Variants in SBK1 observed in about 807,000 individuals in gnomAD.
SBK1 encodes the protein SH3 domain binding kinase 1.
In SBK1, 11 loss-of-function variants were observed where a neutral mutation model predicts 24.4. The ratio of observed to expected loss-of-function variants is 0.45; its 90% confidence interval spans 0.28 to 0.75. SBK1 has a LOEUF of 0.75. Ranked by LOEUF, SBK1 falls within the 30% of genes least tolerant of loss-of-function variation. The pLI, the probability that SBK1 is intolerant of heterozygous loss-of-function variation, is 0.12. For missense variants in SBK1, 467 were observed against 620.5 expected, an observed-to-expected ratio of 0.75 and a Z score of 2.63; for synonymous variants, 308 against 284.4, an observed-to-expected ratio of 1.08 and a Z score of -0.83.
intron 1 of SBK1, among the ~76,000 whole-genome samples, chr16:28,314,529 G>A (rs899174055): frequency 6.6e-6 from 1 of 152,116 alleles, no homozygotes; most frequent in African/African-American, 2.4e-5. Flanking sequence ...ACTTGCCCAA[G>A]GACATCCAGC....
intron 1 of SBK1, among the ~76,000 whole-genome samples, chr16:28,276,417 C>G (rs2044494136): frequency 1.3e-5 from 2 of 152,152 alleles, no homozygotes; most frequent in African/African-American, 4.8e-5. Context: ...GACCCGCGCC[C>G]CTGAATGAGA....
At chr16:28,307,266 A>G (rs1007431699) in intron 1 of SBK1, among the ~76,000 whole-genome samples, 2 of 152,246 alleles carry the variant, frequency 1.3e-5, no homozygotes, top group African/African-American at 4.8e-5. Flanking sequence ...CCTATGACAC[A>G]GAGACTTATT....
chr16:28,291,493 A>C (rs1413768258), upstream of SBK1: 1 of 152,154 alleles, frequency 6.6e-6, no homozygotes, highest in Admixed American at 6.5e-5. Flanking sequence ...TGTACCCTAA[A>C]ACTTAAAGTA....
At chr16:28,279,334 G>A (rs1266875718) in intron 1 of SBK1, among the ~76,000 whole-genome samples, 1 of 150,846 alleles carries the variant, frequency 6.6e-6, no homozygotes, top group East Asian at 1.9e-4. Flanking sequence ...CAAAGTTCGA[G>A]GCTGCAGTGA....
chr16:28,262,833 G>A (rs1483668301), intron 1 of SBK1, among the ~76,000 whole-genome samples: 1 of 152,160 alleles, frequency 6.6e-6, no homozygotes, highest in Non-Finnish European at 1.5e-5. Context: ...AATCGTAATG[G>A]CTTAACACAG....
intron 1 of SBK1, among the ~76,000 whole-genome samples, chr16:28,265,867 G>A (rs1233097549): frequency 1.3e-5 from 2 of 151,046 alleles, no homozygotes; most frequent in African/African-American, 2.4e-5. Flanking sequence ...TGAGCTACTC[G>A]GGAGGCTAAG....
chr16:28,322,919 GCTCT>G lies in SBK1; in HGVS notation c.*2006_*2009del, dbSNP rs1290885145. The G allele has an allele frequency of 5.2e-5, 3 of 58,048 alleles. No individual in the cohort carries two copies. Among genetic ancestry groups the G allele is most frequent in the African/African-American group, 1.5e-4 (3 of 19,710 alleles). The allele number at this position is 58,048 out of a possible 1,614,324, so 3.6% of individuals were successfully genotyped here. The stretch of plus-strand genomic sequence containing the variant: ...CGTGCTCGCTCTCTCTCTCGCGCGC[GCTCT>G]CTCTCTCCCTCTCTCTCTCTCTCTC... On this transcript the variant is annotated 3_prime_UTR_variant, in exon 4 of 4. Transcript: ENST00000341901.
intron 1 of SBK1, among the ~76,000 whole-genome samples, chr16:28,308,491 G>T: frequency 8.6e-6 from 1 of 116,848 alleles, no homozygotes; most frequent in Non-Finnish European, 1.7e-5. Context: ...TTTTGAGACA[G>T]GGTCTCACTC....
chr16:28,278,562 T>C (rs969072483), intron 1 of SBK1, among the ~76,000 whole-genome samples: 2 of 152,178 alleles, frequency 1.3e-5, no homozygotes, highest in African/African-American at 4.8e-5. Flanking sequence ...TTATTTATCT[T>C]ATTTTGAGAC....
At chr16:28,268,403 T>C (rs1001732632) in intron 1 of SBK1, among the ~76,000 whole-genome samples, 4 of 150,684 alleles carry the variant, frequency 2.7e-5, no homozygotes, top group African/African-American at 9.8e-5. Context: ...CCACCACACC[T>C]GGCTAATTTT....
intron 1 of SBK1, chr16:28,284,931 T>A (rs1226399772): frequency 1.3e-5 from 2 of 152,220 alleles, no homozygotes; most frequent in Non-Finnish European, 2.9e-5. Flanking sequence ...AGTGTCAACA[T>A]TTTATCACAT....
In SBK1 at chr16:28,319,970, G is replaced by T. The variant is rs1002091672; in HGVS notation, c.430-106G>T. On this transcript the variant is annotated intron_variant, in intron 3 of 3. Transcript: ENST00000341901. The surrounding 1 kb of genome is among the most constrained non-coding windows in gnomAD (Gnocchi z 4.0). ...GCGGTCGCCCCAGTTACTGGGGACAGGGTGGGAGGCGAAAACCGCCTTGCT... is the reference window on the plus strand; with the variant it reads ...GCGGTCGCCCCAGTTACTGGGGACATGGTGGGAGGCGAAAACCGCCTTGCT... 3 of 1,166,654 alleles carry T rather than the reference G, an allele frequency of 2.6e-6. No homozygotes were observed. In the Admixed American group the frequency reaches 9.3e-5, roughly 36 times the overall value. 72.3% of individuals were successfully genotyped at this position (1,166,654 alleles called of 1,614,324 possible). A position where few individuals can be genotyped will look rare whatever the true frequency, so the allele number is the denominator to read the frequency against.
chr16:28,294,713 C>G (rs1285497339), intron 1 of SBK1, among the ~76,000 whole-genome samples: 1 of 152,204 alleles, frequency 6.6e-6, no homozygotes, highest in Non-Finnish European at 1.5e-5. Context: ...CCTCATCTCC[C>G]ACCTTCCCAG....
intron 1 of SBK1, among the ~76,000 whole-genome samples, chr16:28,265,817 T>C (rs2044424490): frequency 6.6e-6 from 1 of 150,732 alleles, no homozygotes; most frequent in Non-Finnish European, 1.5e-5. Context: ...CTACTAAAAA[T>C]ACAAAAATTA....
upstream of SBK1, chr16:28,259,235 A>G (rs1012320421): frequency 6.5e-6 from 1 of 153,148 alleles, no homozygotes; most frequent in Admixed American, 6.5e-5. This position sits in a 1 kb window ranked among gnomAD's most constrained non-coding sequence, Gnocchi z 6.0. Context: ...GCGACGGGCA[A>G]CCTGAGTGAG....
chr16:28,315,980 G>T (rs1337749902), intron 1 of SBK1, among the ~76,000 whole-genome samples: 1 of 152,116 alleles, frequency 6.6e-6, no homozygotes, highest in Non-Finnish European at 1.5e-5. Context: ...TGACCAGTCT[G>T]GTCTCGAACT....
At chr16:28,302,722 C>T (rs1199433498) in intron 1 of SBK1, among the ~76,000 whole-genome samples, 1 of 152,198 alleles carries the variant, frequency 6.6e-6, no homozygotes, top group East Asian at 1.9e-4. Flanking sequence ...TCCTGCCATT[C>T]TCCTCAGAGG....
intron 1 of SBK1, among the ~76,000 whole-genome samples, chr16:28,312,858 A>G (rs2044763271): frequency 1.3e-5 from 2 of 152,064 alleles, no homozygotes; most frequent in East Asian, 3.9e-4. Flanking sequence ...TATGGGCCGG[A>G]TGCGGTGGCT....
chr16:28,309,728 AT>A (rs1349378239), intron 1 of SBK1, among the ~76,000 whole-genome samples: 3 of 152,264 alleles, frequency 2.0e-5, no homozygotes, highest in East Asian at 1.9e-4. Context: ...GAAACCTTTT[AT>A]TTTTTAAAAA....
Sources: gnomAD v4.1 joint callset for allele counts (sites outside exome capture counted in the v4.1 genomes callset) on GRCh38, gnomAD v4.1.1 for gene constraint, Gnocchi (gnomAD v3.1) non-coding constraint, MANE v1.5 for transcripts, NCBI Gene and HGNC (gene_info 2026-07-23, HGNC 2026-07-21) for gene names.